NUGGC: variants seen among roughly 807,000 people sequenced by gnomAD.
The protein encoded by NUGGC is nuclear GTPase SLIP-GC.
A neutral mutation model predicts 92.6 loss-of-function variants in NUGGC; 58 were observed. That is an observed-to-expected ratio of 0.63 (90% confidence interval 0.51 to 0.78). The LOEUF is 0.78. Among genes scored for constraint, NUGGC ranks in the 30% least tolerant of loss-of-function variants. The pLI, the probability that NUGGC is intolerant of heterozygous loss-of-function variation, is 0.00. For missense variants in NUGGC, 925 were observed against 964.6 expected, an observed-to-expected ratio of 0.96 and a Z score of 0.54; for synonymous variants, 376 against 366.4, an observed-to-expected ratio of 1.03 and a Z score of -0.30.
chr8:28,078,899 T>C (rs2130292287), intron 1 of NUGGC, among the ~76,000 whole-genome samples: 1 of 152,356 alleles, frequency 6.6e-6, no homozygotes, highest in South Asian at 2.1e-4. Flanking sequence ...AGTCCAAATT[T>C]ATTGCTCAGA....
At chr8:28,036,904 G>A (rs551519638) in intron 13 of NUGGC, among the ~76,000 whole-genome samples, 1 of 152,294 alleles carries the variant, frequency 6.6e-6, no homozygotes, top group East Asian at 1.9e-4. Flanking sequence ...AGCGGGTTTG[G>A]AGTACAGGTG....
At chr8:28,053,072 C>T (rs1261035488) in intron 10 of NUGGC, among the ~76,000 whole-genome samples, 9 of 151,932 alleles carry the variant, frequency 5.9e-5, no homozygotes, top group Admixed American at 6.6e-5. Context: ...AAAGTGACTG[C>T]CTATCCCACA....
In NUGGC at chr8:28,079,027, C is replaced by G. The variant is rs545913758; in HGVS notation, c.-46-4571G>C. Among the ~76,000 whole-genome samples the G allele has an allele frequency of 2.6e-5, 4 of 152,336 alleles. No homozygotes were observed. In the South Asian group the frequency reaches 8.3e-4, roughly 32 times the overall value. ...TGTGCACTGAACCTAAGAATAGCAT[C>G]TTTTAAATAAGACTGTGCACATTCA... On this transcript the variant is annotated intron_variant, in intron 1 of 18. Coordinates refer to ENST00000413272, the MANE Select transcript of NUGGC (RefSeq NM_001010906.2).
chr8:28,038,533 G>A (rs1447615263), intron 13 of NUGGC, among the ~76,000 whole-genome samples: 1 of 152,132 alleles, frequency 6.6e-6, no homozygotes, highest in Non-Finnish European at 1.5e-5. Context: ...ACTTGTCCCG[G>A]TCACATAGCT....
intron 13 of NUGGC, among the ~76,000 whole-genome samples, chr8:28,039,471 A>G (rs1379224913): frequency 2.0e-5 from 3 of 152,110 alleles, no homozygotes; most frequent in African/African-American, 4.8e-5. Context: ...ACCTCAGGTG[A>G]TCCATCCACC....
rs1486252392 is a variant in NUGGC at position 28,067,714 on chromosome 8, T to A, written c.511A>T (p.Lys171Ter). ...EWREELKNLT[K>*]LLHRTEELSR... ...AGCTCCTCCGTCCTATGCAGGAGTT[T>A]GGTCAGGTTCTTCAGCTCCTCCCTC... The change falls in exon 6 of 19, where the codon AAA (lysine) becomes TAA (stop). Residue 171 changes from lysine (K) to a stop codon, truncating the protein, a stop_gained. Coordinates refer to ENST00000413272, the MANE Select transcript of NUGGC (RefSeq NM_001010906.2). LOFTEE classifies it high-confidence loss of function. 6.2e-7 allele frequency: 1 copy of A among 1,613,760 alleles called. No individual in the cohort carries two copies. Among genetic ancestry groups the A allele is most frequent in the Admixed American group, 1.7e-5 (1 of 59,984 alleles).
chr8:28,058,864 G>C (rs543754649), intron 8 of NUGGC, among the ~76,000 whole-genome samples: 1 of 151,806 alleles, frequency 6.6e-6, no homozygotes, highest in Non-Finnish European at 1.5e-5. Context: ...CACCACGCCC[G>C]GCCAATTTAT....
At chr8:28,081,593 G>A (rs927334030) in intron 1 of NUGGC, among the ~76,000 whole-genome samples, 7 of 152,074 alleles carry the variant, frequency 4.6e-5, no homozygotes, top group Middle Eastern at 6.8e-3. Flanking sequence ...AAGAATCTTC[G>A]ATCAGCTGGG....
intron 1 of NUGGC, among the ~76,000 whole-genome samples, chr8:28,080,901 G>A (rs750152884): frequency 6.6e-6 from 1 of 152,138 alleles, no homozygotes; most frequent in Non-Finnish European, 1.5e-5. Context: ...TTTGGAGTCA[G>A]AATGCCTGGA....
chr8:28,045,903 A>C (rs533570219), intron 11 of NUGGC, among the ~76,000 whole-genome samples: 2 of 152,238 alleles, frequency 1.3e-5, no homozygotes, highest in Non-Finnish European at 2.9e-5. Flanking sequence ...TATTAAAAAA[A>C]CTACATGGAA....
At chr8:28,025,734 C>T (rs1204059184) in intron 18 of NUGGC, among the ~76,000 whole-genome samples, 1 of 152,202 alleles carries the variant, frequency 6.6e-6, no homozygotes, top group Non-Finnish European at 1.5e-5. Flanking sequence ...TTAGAAGCAG[C>T]CATTGTGGCT....
intron 13 of NUGGC, among the ~76,000 whole-genome samples, chr8:28,039,694 A>T (rs1422105670): frequency 3.3e-5 from 5 of 152,198 alleles, no homozygotes; most frequent in African/African-American, 4.8e-5. Context: ...CACTGCTCAC[A>T]TTCCAACTTT....
At chr8:28,040,409 A>G (rs1563217766) in intron 13 of NUGGC, among the ~76,000 whole-genome samples, 1 of 152,184 alleles carries the variant, frequency 6.6e-6, no homozygotes, top group Admixed American at 6.5e-5. Context: ...TCCTCATTTT[A>G]TAGTAGAAAA....
chr8:28,033,773 C>G, intron 13 of NUGGC, 76 bp from the exon 14 acceptor site: 1 of 1,211,108 alleles, frequency 8.3e-7, no homozygotes, highest in East Asian at 2.4e-5. Flanking sequence ...ATTGCCCTGG[C>G]CAAAGATCAC....
At chr8:28,025,602 A>G (rs1809238398) in intron 18 of NUGGC, among the ~76,000 whole-genome samples, 1 of 150,896 alleles carries the variant, frequency 6.6e-6, no homozygotes, top group South Asian at 2.1e-4. Flanking sequence ...CCAGTACATT[A>G]TAGTGTGAGG....
chr8:28,074,647 A>G (rs1810675223), intron 1 of NUGGC, among the ~76,000 whole-genome samples, 191 bp from the exon 2 acceptor site: 1 of 152,240 alleles, frequency 6.6e-6, no homozygotes, highest in Non-Finnish European at 1.5e-5. Context: ...CTGGTTTCCA[A>G]TAATACTTAG....
chr8:28,032,398 G>A (rs1402433628), intron 14 of NUGGC, among the ~76,000 whole-genome samples: 3 of 152,134 alleles, frequency 2.0e-5, no homozygotes, highest in Non-Finnish European at 2.9e-5. Flanking sequence ...GGGACTGGGA[G>A]ATTCTGTTTC....
rs149569144 is a variant in NUGGC at position 28,057,531 on chromosome 8, G to A, written c.1116+727C>T. Among the ~76,000 whole-genome samples, 1,221 of 151,794 alleles carry A rather than the reference G, an allele frequency of 8.0e-3. 19 individuals carry two copies. The highest frequency in any genetic ancestry group is 0.029 in the African/African-American group (1,192 of 41,382). On this transcript the variant is annotated intron_variant, in intron 9 of 18. Coordinates refer to ENST00000413272, the MANE Select transcript of NUGGC (RefSeq NM_001010906.2). The stretch of plus-strand genomic sequence containing the variant: ...TAATTTTTGCGTTTTTAGTAGAAAC[G>A]GGGTTTCACCATGTTGGTTGGGCTG...
At chr8:28,070,160 G>T (rs1036367566) in intron 3 of NUGGC, 92 bp downstream of exon 3, 8 of 1,476,176 alleles carry the variant, frequency 5.4e-6, no homozygotes, top group Non-Finnish European at 7.2e-6. Context: ...GTTTCATCCA[G>T]CTTCAGAATT....
Sources: gnomAD v4.1 joint callset for allele counts (sites outside exome capture counted in the v4.1 genomes callset) on GRCh38, gnomAD v4.1.1 for gene constraint, MANE v1.5 for transcripts, NCBI Gene and HGNC (gene_info 2026-07-23, HGNC 2026-07-21) for gene names.